Variants in SLC15A4 observed in about 807,000 individuals in gnomAD.
SLC15A4 encodes solute carrier family 15 member 4.
A neutral mutation model predicts 46.1 loss-of-function variants in SLC15A4; 26 were observed. The observed-to-expected ratio is 0.56, with a 90% CI of 0.41 to 0.78. The LOEUF (loss-of-function observed/expected upper bound fraction) is 0.78, where lower values mean the gene tolerates loss of function less well. Among genes scored for constraint, SLC15A4 ranks in the 30% least tolerant of loss-of-function variants. The probability of loss-of-function intolerance (pLI) is 0.00; values close to 1 mark genes in which losing one functional copy is unlikely to be tolerated. For missense variants in SLC15A4, 751 were observed against 755.7 expected, an observed-to-expected ratio of 0.99 and a Z score of 0.07; for synonymous variants, 370 against 333.4, an observed-to-expected ratio of 1.11 and a Z score of -1.20.
chr12:128,802,556 G>A (rs567339296), intron 5 of SLC15A4, among the ~76,000 whole-genome samples: 1 of 152,294 alleles, frequency 6.6e-6, no homozygotes, highest in African/African-American at 2.4e-5. Flanking sequence ...GAGAGGAGGA[G>A]AGCCTAAGGA....
At chr12:128,798,633 G>T (rs1321675047) in intron 7 of SLC15A4, among the ~76,000 whole-genome samples, 1 of 152,162 alleles carries the variant, frequency 6.6e-6, no homozygotes, top group Non-Finnish European at 1.5e-5. Flanking sequence ...CAAAGGAAAA[G>T]AAAGAAGAAA....
intron 1 of SLC15A4, among the ~76,000 whole-genome samples, chr12:128,816,757 G>C (rs1024349773): frequency 2.2e-4 from 34 of 152,248 alleles, no homozygotes; most frequent in Admixed American, 1.8e-3. Flanking sequence ...CCTTGAACTG[G>C]GGAGGAGGTG....
At chr12:128,804,497 C>CG in intron 5 of SLC15A4, among the ~76,000 whole-genome samples, 2 of 152,142 alleles carry the variant, frequency 1.3e-5, no homozygotes, top group Non-Finnish European at 2.9e-5. Context: ...TTTGGGAGGC[C>CG]AAGGTGGGCA....
chr12:128,806,894 T>C (rs1295338956), intron 5 of SLC15A4, among the ~76,000 whole-genome samples: 1 of 148,916 alleles, frequency 6.7e-6, no homozygotes, highest in Non-Finnish European at 1.5e-5. Context: ...CTGTGGATTT[T>C]GCTAGCGCTT....
intron 6 of SLC15A4, among the ~76,000 whole-genome samples, chr12:128,800,250 T>C (rs1226539998): frequency 6.6e-6 from 1 of 152,222 alleles, no homozygotes; most frequent in Non-Finnish European, 1.5e-5. Flanking sequence ...TCCGTTGTGA[T>C]TTATTCCCTT....
chr12:128,819,455 T>A (rs1344107589), intron 1 of SLC15A4: 1 of 152,124 alleles, frequency 6.6e-6, no homozygotes, highest in East Asian at 1.9e-4. Flanking sequence ...AGCAACCAAT[T>A]TCACCCCCAA....
At position 128,823,576 on chromosome 12, in the gene SLC15A4, A is replaced by G; in HGVS notation, c.368T>C (p.Leu123Pro). The change falls in exon 1 of 8, where the codon CTG becomes CCG. Residue 123 changes from leucine to proline, a missense_variant. Transcript: ENST00000266771. ...YLLGMLAFPLLAAPATRAALC... is the reference protein window; with the variant it reads ...YLLGMLAFPLPAAPATRAALC... The stretch of plus-strand genomic sequence containing the variant: ...CGCGGCTCGCGTGGCGGGCGCGGCC[A>G]GCAGCGGGAAGGCCAGCATGCCCAG... 1 of 1,443,910 alleles carries G rather than the reference A, an allele frequency of 6.9e-7. No individual in the cohort carries two copies. The allele number at this position is 1,443,910 out of a possible 1,614,324, so 89.4% of individuals were successfully genotyped here. A position where few individuals can be genotyped will look rare whatever the true frequency, so the allele number is the denominator to read the frequency against.
chr12:128,794,505 G>A (rs1955423169), intron 7 of SLC15A4, 149 bp from the exon 8 acceptor site: 1 of 778,382 alleles, frequency 1.3e-6, no homozygotes, highest in Non-Finnish European at 1.9e-6. Flanking sequence ...AAATGCACAA[G>A]CATCTTGCTT....
intron 1 of SLC15A4, 93 bp from the exon 2 acceptor site, chr12:128,815,163 C>T (rs1273354991): frequency 8.2e-7 from 1 of 1,219,648 alleles, no homozygotes; most frequent in East Asian, 2.4e-5. Context: ...TTACCGTTGT[C>T]ATCACAACCT....
rs772390575 is a variant in SLC15A4 at position 128,799,300 on chromosome 12, GACAC to G, written c.1528_1531del (p.Val510LeufsTer8). On this transcript the variant is annotated frameshift_variant, in exon 7 of 8. Transcript: ENST00000266771. LOFTEE classifies it high-confidence loss of function. Reference sequence around the variant, plus strand: ...GCTCATCCATCCGATGGCTTTGATAGACACCAGTGCCAGCAGTCCAGAACCCACG... The same window carrying G: ...GCTCATCCATCCGATGGCTTTGATAGCAGTGCCAGCAGTCCAGAACCCACG... 6.2e-7 allele frequency: 1 copy of G among 1,614,136 alleles called. No individual in the cohort carries two copies. The highest frequency in any genetic ancestry group is 8.5e-7 in the Non-Finnish European group (1 of 1,180,038).
At chr12:128,813,184 T>A (rs1379770168) in intron 2 of SLC15A4, 2 of 128,856 alleles carry the variant, frequency 1.6e-5, no homozygotes, top group Non-Finnish European at 3.3e-5. Context: ...GATGGGGCTA[T>A]ATTTTTTTTT....
At position 128,823,913 on chromosome 12, in the gene SLC15A4, G is replaced by T; in HGVS notation, c.31C>A (p.Arg11=). MEGSGGGAGE[R]APLLGARRAA... ...CGCCGCGCGCCCAGCAGCGGCGCCC[G>T]CTCGCCCGCACCGCCCCCAGAGCCC... is the stretch of plus-strand genomic sequence containing the variant. The change falls in exon 1 of 8, where the codon CGG becomes AGG. Residue 11 remains arginine (R), a synonymous_variant. Transcript: ENST00000266771. The T allele has an allele frequency of 1.2e-6, 1 of 811,896 alleles. No homozygotes were observed. Among genetic ancestry groups the T allele is most frequent in the Non-Finnish European group, 1.5e-6 (1 of 673,404 alleles). 50.3% of individuals were successfully genotyped at this position (811,896 alleles called of 1,614,324 possible).
chr12:128,814,764 T>G lies in SLC15A4; in HGVS notation c.842+11A>C. On this transcript the variant is annotated intron_variant, in intron 2 of 7. Transcript: ENST00000266771. ...CTTTCAAACAGCCCAAGATGAGAAC[T>G]AAGTGCTTACCCATTACTCTGGCGC... is the stretch of plus-strand genomic sequence containing the variant. The G allele has an allele frequency of 2.5e-6, 4 of 1,611,468 alleles. No individual in the cohort carries two copies. The highest frequency in any genetic ancestry group is 3.4e-6 in the Non-Finnish European group (4 of 1,177,752).
At chr12:128,812,304 C>T (rs1955667398) in intron 2 of SLC15A4, among the ~76,000 whole-genome samples, 1 of 150,944 alleles carries the variant, frequency 6.6e-6, no homozygotes, top group Non-Finnish European at 1.5e-5. Flanking sequence ...GCTTTGGAGG[C>T]CCAACTTTTT....
intron 7 of SLC15A4, among the ~76,000 whole-genome samples, chr12:128,796,582 C>G (rs897413143): frequency 6.6e-6 from 1 of 152,092 alleles, no homozygotes; most frequent in Non-Finnish European, 1.5e-5. Flanking sequence ...TGAATTCTAC[C>G]AGACTAAAGC....
At chr12:128,806,972 C>T (rs566314197) in intron 5 of SLC15A4, among the ~76,000 whole-genome samples, 76 of 142,720 alleles carry the variant, frequency 5.3e-4, no homozygotes, top group African/African-American at 1.9e-3. Context: ...GGCGCGATCT[C>T]GGCTCACTGC....
Position 128,800,931 on chromosome 12 carries a change from G to T in SLC15A4, c.1337C>A (p.Ala446Asp). 1 of 1,614,180 alleles carries T rather than the reference G, an allele frequency of 6.2e-7. No individual in the cohort carries two copies. The highest frequency in any genetic ancestry group is 8.5e-7 in the Non-Finnish European group (1 of 1,180,010). The change falls in exon 6 of 8, where the codon GCT becomes GAT. Residue 446 changes from alanine to aspartate, a missense_variant. Ala to Asp is a moderately radical substitution (Grantham distance 126, BLOSUM62 -2). Transcript: ENST00000266771. ...NQTIGNVVYH[A>D]ADLSLWWQVP... The stretch of plus-strand genomic sequence containing the variant: ...CTGCCACCACAGCGACAGATCGGCA[G>T]CATGGTAGACGACGTTGCCGATGGT...
chr12:128,796,625 G>A (rs1181717249), intron 7 of SLC15A4, among the ~76,000 whole-genome samples: 2 of 152,020 alleles, frequency 1.3e-5, no homozygotes, highest in East Asian at 1.9e-4. Flanking sequence ...TACACTATTC[G>A]TTCAACCCTT....
At position 128,814,929 on chromosome 12, in the gene SLC15A4, TG is replaced by T; in HGVS notation, c.687del (p.Thr230LeufsTer35). On this transcript the variant is annotated frameshift_variant, in exon 2 of 8. Transcript: ENST00000266771. LOFTEE classifies it high-confidence loss of function. The stretch of plus-strand genomic sequence containing the variant: ...ACAAAAGCAAGGCCGACGCAGACAG[TG>T]GGGATCGCATAACCAGTGACAAAGC... ...NVSFVTGYAI[P>X]TVCVGLAFVV... 6.2e-7 allele frequency: 1 copy of T among 1,614,092 alleles called. No individual in the cohort carries two copies. Among genetic ancestry groups the T allele is most frequent in the East Asian group, 2.2e-5 (1 of 44,870 alleles).
Sources: gnomAD v4.1 joint callset for allele counts (sites outside exome capture counted in the v4.1 genomes callset) on GRCh38, gnomAD v4.1.1 for gene constraint, MANE v1.5 for transcripts, NCBI Gene and HGNC (gene_info 2026-07-23, HGNC 2026-07-21) for gene names.